The following NRG3 variants were observed in gnomAD, a reference collection of about 807,000 sequenced individuals.
NRG3 encodes the protein pro-neuregulin-3, membrane-bound isoform.
A neutral mutation model predicts 66.9 loss-of-function variants in NRG3; 31 were observed. That is an observed-to-expected ratio of 0.46 (90% CI 0.35 to 0.63). The LOEUF is 0.63. Ranked by LOEUF, NRG3 falls within the 20% of genes least tolerant of loss-of-function variation. The pLI is 0.00. For missense variants in NRG3, 910 were observed against 878.9 expected, an observed-to-expected ratio of 1.04 and a Z score of -0.45; for synonymous variants, 393 against 359.4, an observed-to-expected ratio of 1.09 and a Z score of -1.06.
chr10:82,045,136 C>G (rs1275205885), intron 1 of NRG3, among the ~76,000 whole-genome samples: 1 of 128,546 alleles, frequency 7.8e-6, no homozygotes, highest in African/African-American at 2.8e-5. Flanking sequence ...CCTGAGGAAT[C>G]GCCACACTGA....
chr10:82,243,689 G>A (rs1305304665), intron 1 of NRG3, among the ~76,000 whole-genome samples: 1 of 152,118 alleles, frequency 6.6e-6, no homozygotes, highest in Non-Finnish European at 1.5e-5. Flanking sequence ...AAGTAAATAA[G>A]TTACTCCAAC....
intron 2 of NRG3, among the ~76,000 whole-genome samples, chr10:82,729,269 G>A (rs2057771133): frequency 6.6e-6 from 1 of 152,074 alleles, no homozygotes; most frequent in Non-Finnish European, 1.5e-5. Context: ...TTGACATGAA[G>A]CAAAATTTCA....
At position 82,985,510 on chromosome 10, in the gene NRG3, G is replaced by A. The variant is rs1853366560; in HGVS notation, c.1996G>A (p.Ala666Thr). 2.5e-6 allele frequency: 4 copies of A among 1,613,918 alleles called. No individual in the cohort carries two copies. The highest frequency in any genetic ancestry group is 2.2e-5 in the South Asian group (2 of 91,090). ...ETEDSASENT[A>T]FLPLSPTAKS... ...CGAGGACAGTGCAAGCGAAAACACA[G>A]CCTTTCTCCCCCTGAGTCCCACAGC... The change falls in exon 9 of 9, where the codon GCC becomes ACC. Residue 666 changes from alanine to threonine, a missense_variant. By Grantham distance (58) the Ala-to-Thr change is moderately conservative. Transcript: ENST00000372141.
At chr10:82,338,770 C>A (rs2082523754) in intron 1 of NRG3, among the ~76,000 whole-genome samples, 1 of 152,128 alleles carries the variant, frequency 6.6e-6, no homozygotes, top group African/African-American at 2.4e-5. Context: ...TTCGTGAAAC[C>A]CCATGAATTA....
chr10:82,159,523 C>A (rs2071419831), intron 1 of NRG3, among the ~76,000 whole-genome samples: 1 of 151,896 alleles, frequency 6.6e-6, no homozygotes, highest in Non-Finnish European at 1.5e-5. Flanking sequence ...ACCTGGGTGG[C>A]TAACGCCCTC....
chr10:82,622,639 A>G (rs1191250411), intron 2 of NRG3, among the ~76,000 whole-genome samples: 1 of 152,164 alleles, frequency 6.6e-6, no homozygotes, highest in African/African-American at 2.4e-5. Context: ...AAGCAGCAGG[A>G]TACTCTCATG....
intron 2 of NRG3, among the ~76,000 whole-genome samples, chr10:82,502,292 A>C (rs1027789857): frequency 6.6e-6 from 1 of 151,886 alleles, no homozygotes; most frequent in Admixed American, 6.6e-5. Flanking sequence ...GCTTGTGTGA[A>C]CCTGTTCAGG....
intron 2 of NRG3, among the ~76,000 whole-genome samples, chr10:82,641,861 TGTGGTAA>T (rs2050606929): frequency 6.6e-6 from 1 of 152,184 alleles, no homozygotes; most frequent in South Asian, 2.1e-4. Context: ...ATTAAATGTA[TGTGGTAA>T]GTGTAATTTT....
rs146832835 is a variant in NRG3 at position 82,833,610 on chromosome 10, C to T, written c.1028-31801C>T. Among the ~76,000 whole-genome samples the T allele has an allele frequency of 3.7e-4, 57 of 152,270 alleles. 1 individual carries two copies. In the East Asian group the frequency reaches 0.01, roughly 27 times the overall value. On this transcript the variant is annotated intron_variant, in intron 3 of 8. Coordinates refer to ENST00000372141, the MANE Select transcript of NRG3 (RefSeq NM_001010848.4). ...GCATCTGCAGCCGACCTTCCAATAC[C>T]GATCCCAGCATAGTAGGCCAATCTA...
chr10:82,135,444 T>C (rs1279133014), intron 1 of NRG3, among the ~76,000 whole-genome samples: 2 of 152,124 alleles, frequency 1.3e-5, no homozygotes, highest in Non-Finnish European at 2.9e-5. Flanking sequence ...CATTTCTCTC[T>C]CTACTTCCTT....
At chr10:82,528,730 C>G (rs1021997355) in intron 2 of NRG3, among the ~76,000 whole-genome samples, 8 of 151,838 alleles carry the variant, frequency 5.3e-5, no homozygotes, top group Non-Finnish European at 8.8e-5. Flanking sequence ...CAGGCAATTG[C>G]TATTTAGTTT....
chr10:82,947,675 T>C (rs1275739856), intron 4 of NRG3, among the ~76,000 whole-genome samples: 1 of 152,142 alleles, frequency 6.6e-6, no homozygotes, highest in African/African-American at 2.4e-5. Context: ...TTAATAATAA[T>C]GAACAATGTT....
Position 82,786,927 on chromosome 10 carries a change from G to A in NRG3, c.1027+48277G>A, listed in dbSNP as rs59563832. ...GTCTTGCCCTTCCACCTTCCACTAC[G>A]GTATGATGCAGCAAGAAGGCTCTCG... On this transcript the variant is annotated intron_variant, in intron 3 of 8. Transcript: ENST00000372141. Among the ~76,000 whole-genome samples, 1,238 of 152,108 alleles carry A rather than the reference G, an allele frequency of 8.1e-3. 23 individuals carry two copies. Among genetic ancestry groups the A allele is most frequent in the African/African-American group, 0.029 (1,195 of 41,510 alleles).
At chr10:82,262,397 T>C (rs1024059820) in intron 1 of NRG3, among the ~76,000 whole-genome samples, 7 of 152,316 alleles carry the variant, frequency 4.6e-5, no homozygotes, top group African/African-American at 1.2e-4. Context: ...ATCATTCTGT[T>C]TGACATTTTG....
At chr10:82,323,300 G>T (rs2135166864) in intron 1 of NRG3, among the ~76,000 whole-genome samples, 1 of 152,234 alleles carries the variant, frequency 6.6e-6, no homozygotes, top group East Asian at 1.9e-4. Flanking sequence ...CATCAAAACT[G>T]CTTCAGATCA....
At chr10:82,756,485 A>G (rs915392205) in intron 3 of NRG3, among the ~76,000 whole-genome samples, 3 of 152,132 alleles carry the variant, frequency 2.0e-5, no homozygotes, top group Non-Finnish European at 1.5e-5. Flanking sequence ...TGCCCAGTGT[A>G]TGTAGTTCGT....
At chr10:82,156,348 G>C (rs1305238764) in intron 1 of NRG3, among the ~76,000 whole-genome samples, 1 of 151,308 alleles carries the variant, frequency 6.6e-6, no homozygotes, top group East Asian at 1.9e-4. Flanking sequence ...TTAACAACTG[G>C]AAGGTATGTC....
chr10:82,101,728 G>T (rs921953781), intron 1 of NRG3, among the ~76,000 whole-genome samples: 3 of 151,296 alleles, frequency 2.0e-5, no homozygotes, highest in Admixed American at 2.0e-4. Context: ...ATTTGCTAAG[G>T]GTTGTTTAAT....
intron 2 of NRG3, among the ~76,000 whole-genome samples, chr10:82,626,127 C>T (rs2133673942): frequency 6.6e-6 from 1 of 152,236 alleles, no homozygotes; most frequent in African/African-American, 2.4e-5. Context: ...ATTACCCATT[C>T]ACTCAGCCTC....
Sources: gnomAD v4.1 joint callset for allele counts (sites outside exome capture counted in the v4.1 genomes callset) on GRCh38, gnomAD v4.1.1 for gene constraint, MANE v1.5 for transcripts, NCBI Gene and HGNC (gene_info 2026-07-23, HGNC 2026-07-21) for gene names.